Variants in PPP2R5E observed in about 807,000 individuals in gnomAD.
The protein encoded by PPP2R5E is protein phosphatase 2 regulatory subunit B'epsilon, also known as serine/threonine-protein phosphatase 2A 56 kDa regulatory subunit epsilon isoform.
Under a neutral mutation model 65.3 loss-of-function variants are expected in PPP2R5E, and 4 were observed. The observed-to-expected ratio is 0.06, with a 90% CI of 0.03 to 0.14. The LOEUF (loss-of-function observed/expected upper bound fraction) is 0.14, where lower values mean the gene tolerates loss of function less well. PPP2R5E is among the 10% of genes least tolerant of loss of function. The pLI, the probability that PPP2R5E is intolerant of heterozygous loss-of-function variation, is 1.00. For missense variants in PPP2R5E, 274 were observed against 556.1 expected, an observed-to-expected ratio of 0.49 and a Z score of 5.10; for synonymous variants, 183 against 187.4, an observed-to-expected ratio of 0.98 and a Z score of 0.19.
At chr14:63,451,478 T>C (rs1888818992) in intron 3 of PPP2R5E, 1 of 152,224 alleles carries the variant, frequency 6.6e-6, no homozygotes, top group Admixed American at 6.5e-5. Flanking sequence ...ACATGCTGTA[T>C]GATTCCAACT....
intron 2 of PPP2R5E, among the ~76,000 whole-genome samples, chr14:63,513,043 C>G (rs1892525180): frequency 6.6e-6 from 1 of 151,928 alleles, no homozygotes; most frequent in Non-Finnish European, 1.5e-5. Flanking sequence ...AAAACCCCAG[C>G]TATTTAATGG....
In PPP2R5E at chr14:63,517,581, C is replaced by T. The variant is rs76141098; in HGVS notation, c.157+21948G>A. 1.2e-3 allele frequency among the ~76,000 whole-genome samples: 177 copies of T among 152,266 alleles called. 1 individual carries two copies. Among genetic ancestry groups the T allele is most frequent in the Non-Finnish European group, 2.3e-3 (155 of 68,024 alleles). ...ACGTAAACCATCACAAATCCAGTTT[C>T]GCTTCAAGCACTGGTACTGAAAAGC... is the stretch of plus-strand genomic sequence containing the variant. On this transcript the variant is annotated intron_variant, in intron 2 of 13. Coordinates refer to ENST00000337537, the MANE Select transcript of PPP2R5E (RefSeq NM_006246.5).
intron 11 of PPP2R5E, among the ~76,000 whole-genome samples, chr14:63,387,048 G>A (rs569303300): frequency 4.6e-4 from 70 of 152,230 alleles, no homozygotes; most frequent in African/African-American, 1.6e-3. Flanking sequence ...AGGCATGGAC[G>A]AGGACAATGT....
chr14:63,455,522 T>C (rs548878628), intron 2 of PPP2R5E, among the ~76,000 whole-genome samples: 18 of 152,318 alleles, frequency 1.2e-4, no homozygotes, highest in Admixed American at 1.2e-3. Flanking sequence ...ACAATGTGTC[T>C]TGCAGTCATG....
At chr14:63,524,114 A>T (rs774653147) in intron 2 of PPP2R5E, among the ~76,000 whole-genome samples, 3 of 152,174 alleles carry the variant, frequency 2.0e-5, no homozygotes, top group Non-Finnish European at 4.4e-5. Flanking sequence ...CCAAGTCTCA[A>T]TTTGCTACAT....
At chr14:63,398,918 G>C (rs1044338139) in intron 5 of PPP2R5E, among the ~76,000 whole-genome samples, 5 of 152,208 alleles carry the variant, frequency 3.3e-5, no homozygotes, top group Non-Finnish European at 7.3e-5. Context: ...TACATTGTTG[G>C]TAAGAATGTA....
intron 2 of PPP2R5E, among the ~76,000 whole-genome samples, chr14:63,517,106 C>G (rs1311330104): frequency 6.6e-6 from 1 of 152,080 alleles, no homozygotes; most frequent in African/African-American, 2.4e-5. Context: ...GTCAACTATC[C>G]TTGCATCTGT....
At chr14:63,455,831 CTT>C (rs367911025) in intron 2 of PPP2R5E, among the ~76,000 whole-genome samples, 1 of 144,252 alleles carries the variant, frequency 6.9e-6, no homozygotes, top group Admixed American at 6.9e-5. Context: ...CAAGAAAAAG[CTT>C]TTTTTTTTTT....
At chr14:63,530,820 T>A (rs1594977740) in intron 2 of PPP2R5E, among the ~76,000 whole-genome samples, 1 of 151,764 alleles carries the variant, frequency 6.6e-6, no homozygotes, top group African/African-American at 2.4e-5. Flanking sequence ...TTTCACCATG[T>A]TGGCCTGGCT....
At chr14:63,411,685 C>G (rs977119085) in intron 5 of PPP2R5E, among the ~76,000 whole-genome samples, 1 of 136,324 alleles carries the variant, frequency 7.3e-6, no homozygotes, top group African/African-American at 2.9e-5. Context: ...AAAAAAAAAG[C>G]CTGACACCTC....
chr14:63,421,031 C>T lies in PPP2R5E; in HGVS notation c.456+962G>A, dbSNP rs1289120184. Among the ~76,000 whole-genome samples, 14 of 106,216 alleles carry T rather than the reference C, an allele frequency of 1.3e-4. 1 individual carries two copies. Among genetic ancestry groups the T allele is most frequent in the African/African-American group, 3.6e-4 (10 of 27,446 alleles). The allele number at this position is 106,216 out of a possible 152,430, so 69.7% of individuals were successfully genotyped here. A position where few individuals can be genotyped will look rare whatever the true frequency, so the allele number is the denominator to read the frequency against. On this transcript the variant is annotated intron_variant, in intron 4 of 13. Coordinates refer to ENST00000337537, the MANE Select transcript of PPP2R5E (RefSeq NM_006246.5). ...TCCCGCCACTGCACTCCAGCCTGGG[C>T]GACAGAGCGAGACTCCGTCTCAAAA...
chr14:63,396,339 G>A (rs913190094), intron 6 of PPP2R5E, among the ~76,000 whole-genome samples: 12 of 113,362 alleles, frequency 1.1e-4, no homozygotes, highest in African/African-American at 4.1e-4. Context: ...GAAAAGAGGA[G>A]GAAGAGGAGG....
At chr14:63,416,579 C>T (rs1027112112) in intron 4 of PPP2R5E, among the ~76,000 whole-genome samples, 10 of 151,482 alleles carry the variant, frequency 6.6e-5, no homozygotes, top group Non-Finnish European at 1.5e-4. Flanking sequence ...GACCCCAAAG[C>T]TTTTGTTTAT....
intron 10 of PPP2R5E, among the ~76,000 whole-genome samples, chr14:63,391,199 A>G (rs1042273648): frequency 3.3e-5 from 5 of 152,184 alleles, no homozygotes; most frequent in Non-Finnish European, 7.3e-5. Context: ...GCCTGGGCTT[A>G]GCGAGGCTGA....
intron 2 of PPP2R5E, among the ~76,000 whole-genome samples, chr14:63,454,914 A>G (rs1019166361): frequency 1.3e-5 from 2 of 152,178 alleles, no homozygotes; most frequent in African/African-American, 4.8e-5. Context: ...TCCATTTTTC[A>G]CACACACACA....
In PPP2R5E at chr14:63,522,991, C is replaced by T. The variant is rs1486110939; in HGVS notation, c.157+16538G>A. ...CAGCCCCCTGCCCGGCCAGCCGCCC[C>T]GTCCGGGAGGTGAGGGGCGCCTCTG... On this transcript the variant is annotated intron_variant, in intron 2 of 13. Transcript: ENST00000337537. Among the ~76,000 whole-genome samples the T allele has an allele frequency of 3.1e-3, 460 of 148,808 alleles. 2 individuals are homozygous for T. The highest frequency in any genetic ancestry group is 0.011 in the African/African-American group (423 of 40,228).
chr14:63,471,106 A>G (rs962529729), intron 2 of PPP2R5E, among the ~76,000 whole-genome samples: 2 of 152,248 alleles, frequency 1.3e-5, no homozygotes, highest in Admixed American at 1.3e-4. Context: ...CTCATATTAC[A>G]TAAATCTGCA....
At chr14:63,429,754 G>C (rs530922208) in intron 3 of PPP2R5E, among the ~76,000 whole-genome samples, 2 of 151,956 alleles carry the variant, frequency 1.3e-5, no homozygotes, top group East Asian at 3.9e-4. Flanking sequence ...CACCATCTTG[G>C]CTCACTGCAA....
At position 63,539,659 on chromosome 14, in the gene PPP2R5E, TGGA is replaced by T. The variant is rs753518402; in HGVS notation, c.24_26del (p.Pro9del). 6.2e-7 allele frequency: 1 copy of T among 1,613,966 alleles called. No individual in the cohort carries two copies. The highest frequency in any genetic ancestry group is 8.5e-7 in the Non-Finnish European group (1 of 1,179,896). ...AAAATCCGTCTACTTTATCCACTGA[TGGA>T]GGAGTAGTTGGTGCTGAGGACATAT... On this transcript the variant is annotated inframe_deletion, in exon 2 of 14. Coordinates refer to ENST00000337537, the MANE Select transcript of PPP2R5E (RefSeq NM_006246.5).
Sources: gnomAD v4.1 joint callset for allele counts (sites outside exome capture counted in the v4.1 genomes callset) on GRCh38, gnomAD v4.1.1 for gene constraint, MANE v1.5 for transcripts, NCBI Gene and HGNC (gene_info 2026-07-23, HGNC 2026-07-21) for gene names.